The following NDOR1 variants were observed in gnomAD, a reference collection of about 807,000 sequenced individuals.
NDOR1 encodes the protein NADPH dependent diflavin oxidoreductase 1, also known as NADPH-dependent diflavin oxidoreductase 1.
Under a neutral mutation model 67.2 loss-of-function variants are expected in NDOR1, and 61 were observed. The ratio of observed to expected loss-of-function variants is 0.91; its 90% CI spans 0.74 to 1.12. The LOEUF (loss-of-function observed/expected upper bound fraction) is 1.12, where lower values mean the gene tolerates loss of function less well. NDOR1 is among the 50% of genes most tolerant of loss of function. The pLI, the probability that NDOR1 is intolerant of heterozygous loss-of-function variation, is 0.00. For missense variants in NDOR1, 878 were observed against 802.8 expected (o/e 1.09, Z -1.13); for synonymous variants, 378 against 343.7 (o/e 1.10, Z -1.10).
At position 137,205,900 on chromosome 9, in the gene NDOR1, C is replaced by A. The variant is rs1401364282; in HGVS notation, c.123C>A (p.Asp41Glu). 6.3e-7 allele frequency: 1 copy of A among 1,593,650 alleles called. No individual in the cohort carries two copies. The highest frequency in any genetic ancestry group is 8.5e-7 in the Non-Finnish European group (1 of 1,175,884). The change falls in exon 1 of 14, where the codon GAC (aspartate) becomes GAA (glutamate). Residue 41 changes from aspartate to glutamate, a missense_variant. Coordinates refer to ENST00000684003, the MANE Select transcript of NDOR1 (RefSeq NM_014434.4). ...TTGGCTGCCGGGTGCAGGCCCTGGA[C>A]TCCTACCCGGTGGTGAGGGCTCGCT... Reference protein sequence around the residue: ...RRLGCRVQALDSYPVVNLINE... With the variant: ...RRLGCRVQALESYPVVNLINE...
chr9:137,214,038 C>T lies in NDOR1; in HGVS notation c.482C>T (p.Pro161Leu), dbSNP rs536654925. ...DRVLGLYPPPPGLTEIPPGVP... is the reference protein window; with the variant it reads ...DRVLGLYPPPLGLTEIPPGVP... The stretch of plus-strand genomic sequence containing the variant: ...GTTCTGGGGCTGTACCCGCCGCCTC[C>T]GGGCCTCACTGAGATCCCTCCCGGA... Residue 161 changes from proline (P) to leucine (L), a missense_variant, in exon 5 of 14, where the codon CCG (proline) becomes CTG (leucine). By Grantham distance (98) the Pro-to-Leu change is moderately conservative. Transcript: ENST00000684003. 15 of 1,545,176 alleles carry T rather than the reference C, an allele frequency of 9.7e-6. 1 individual carries two copies. Among genetic ancestry groups the T allele is most frequent in the Admixed American group, 2.0e-5 (1 of 51,152 alleles).
In NDOR1 at chr9:137,215,444, T is replaced by G. The variant is rs1588814575; in HGVS notation, c.1211T>G (p.Val404Gly). 6.2e-7 allele frequency: 1 copy of G among 1,613,228 alleles called. No homozygotes were observed. The change falls in exon 10 of 14, where the codon GTG (valine) becomes GGG (glycine). Residue 404 changes from valine (V) to glycine (G), a missense_variant. By Grantham distance (109) the Val-to-Gly change is moderately radical (BLOSUM62 -3). Coordinates refer to ENST00000684003, the MANE Select transcript of NDOR1 (RefSeq NM_014434.4). ...CGGCTGCAGATCCTCGTGGCTGTAGTGCAGTTCCAGACTCGCCTCAAGGAG... is the reference window on the plus strand; with the variant it reads ...CGGCTGCAGATCCTCGTGGCTGTAGGGCAGTTCCAGACTCGCCTCAAGGAG... ...PSRLQILVAV[V>G]QFQTRLKEPR...
intron 10 of NDOR1, 54 bp from the exon 11 acceptor site, chr9:137,215,605 G>C: frequency 6.2e-7 from 1 of 1,602,622 alleles, no homozygotes; most frequent in Non-Finnish European, 8.5e-7. Flanking sequence ...TAGGGCCCCA[G>C]CAGACTCAGC....
At chr9:137,206,168 G>C in intron 1 of NDOR1, 64 bp from the exon 2 acceptor site, 2 of 1,600,754 alleles carry the variant, frequency 1.2e-6, no homozygotes, top group African/African-American at 1.3e-5. Flanking sequence ...AGGGGGTCAA[G>C]TTTTGGGAAG....
At position 137,212,570 on chromosome 9, in the gene NDOR1, C is replaced by T. The variant is rs761919858; in HGVS notation, c.282C>T (p.Val94=). 3 of 1,614,092 alleles carry T rather than the reference C, an allele frequency of 1.9e-6. No homozygotes were observed. The highest frequency in any genetic ancestry group is 4.5e-5 in the East Asian group (2 of 44,884). The change falls in exon 3 of 14, where the codon GTC becomes GTT. Residue 94 remains valine (V), a synonymous_variant. Coordinates refer to ENST00000684003, the MANE Select transcript of NDOR1 (RefSeq NM_014434.4). The surrounding 1 kb of genome is among the most constrained non-coding windows in gnomAD (Gnocchi z 4.3). The part of the protein sequence containing the change: ...STALCQMDFA[V]LGLGDSSYAK... ...CCCTCTGTCAGATGGACTTTGCCGT[C>T]CTGGGCCTCGGGGACTCCTCATACG...
chr9:137,209,217 C>T (rs1384120211), intron 2 of NDOR1, among the ~76,000 whole-genome samples: 1 of 152,066 alleles, frequency 6.6e-6, no homozygotes, highest in East Asian at 1.9e-4. Flanking sequence ...AGGGGAGAGA[C>T]AGGAGAAAGA....
At position 137,215,766 on chromosome 9, in the gene NDOR1, C is replaced by G; in HGVS notation, c.1396C>G (p.Arg466Gly). Residue 466 changes from arginine to glycine, a missense_variant, in exon 11 of 14, where the codon CGA becomes GGA. Coordinates refer to ENST00000684003, the MANE Select transcript of NDOR1 (RefSeq NM_014434.4). ...VGPGTGVAPF[R>G]AAIQERVAQG... The stretch of plus-strand genomic sequence containing the variant: ...GCCTGGCACTGGGGTAGCCCCCTTC[C>G]GAGCAGCCATCCAGGAGCGTGTGGC... 6.3e-7 allele frequency: 1 copy of G among 1,598,446 alleles called. No individual in the cohort carries two copies. The highest frequency in any genetic ancestry group is 1.7e-5 in the Admixed American group (1 of 58,802).
chr9:137,215,148 G>T lies in NDOR1; in HGVS notation c.1119G>T (p.Leu373Phe). 6.2e-7 allele frequency: 1 copy of T among 1,613,624 alleles called. No homozygotes were observed. ...CCGCCATCCCTCCCGACTACCTGTT[G>T]GACCTCATCCCCGTTATCCGGCCGA... ...TAAAIPPDYL[L>F]DLIPVIRPRA... The change falls in exon 9 of 14, where the codon TTG becomes TTT. Residue 373 changes from leucine (L) to phenylalanine (F), a missense_variant. Coordinates refer to ENST00000684003, the MANE Select transcript of NDOR1 (RefSeq NM_014434.4).
chr9:137,212,369 G>C lies in NDOR1; in HGVS notation c.214-133G>C. ...GGCTGGACCTGGGCCCTGCCTTTTG[G>C]TCAGATAGGTCCAGTTGTATTCTGC... On this transcript the variant is annotated intron_variant, in intron 2 of 13. Coordinates refer to ENST00000684003, the MANE Select transcript of NDOR1 (RefSeq NM_014434.4). The surrounding 1 kb of genome is among the most constrained non-coding windows in gnomAD (Gnocchi z 4.3). 1.3e-6 allele frequency: 1 copy of C among 746,982 alleles called. No homozygotes were observed. Among genetic ancestry groups the C allele is most frequent in the Non-Finnish European group, 2.3e-6 (1 of 438,852 alleles). The allele number at this position is 746,982 out of a possible 1,614,324, so 46.3% of individuals were successfully genotyped here. A position where few individuals can be genotyped will look rare whatever the true frequency, so the allele number is the denominator to read the frequency against.
chr9:137,215,380 C>T (rs762752079), intron 9 of NDOR1, 27 bp from the exon 10 acceptor site: 2 of 1,571,586 alleles, frequency 1.3e-6, no homozygotes, highest in Admixed American at 3.3e-5. Flanking sequence ...CCTTGTTCCA[C>T]CACCCCCACC....
chr9:137,212,627 A>G lies in NDOR1; in HGVS notation c.311+28A>G. ...GAGTAGGGGATGGGACAGTGGGCGG[A>G]CGGAACAGTTCTGGGGGTCGAGCAA... On this transcript the variant is annotated intron_variant, in intron 3 of 13. Transcript: ENST00000684003. This position sits in a 1 kb window ranked among gnomAD's most constrained non-coding sequence, Gnocchi z 4.3. The G allele has an allele frequency of 6.3e-7, 1 of 1,590,672 alleles. No individual in the cohort carries two copies. Among genetic ancestry groups the G allele is most frequent in the South Asian group, 1.1e-5 (1 of 90,608 alleles).
chr9:137,206,247 G>C lies in NDOR1; in HGVS notation c.151G>C (p.Glu51Gln), dbSNP rs750338916. Reference protein sequence around the residue: ...DSYPVVNLINEPLVIFVCATT... With the variant: ...DSYPVVNLINQPLVIFVCATT... ...TTTTGTTGAGGTGAATCTGATTAAC[G>C]AGCCCCTGGTGATATTTGTTTGTGC... Residue 51 changes from glutamate (E) to glutamine (Q), a missense_variant, in exon 2 of 14, where the codon GAG (glutamate) becomes CAG (glutamine). Physicochemically the swap from Glu to Gln is conservative, Grantham distance 29. Transcript: ENST00000684003. The C allele has an allele frequency of 7.4e-6, 12 of 1,613,836 alleles. No individual in the cohort carries two copies. The highest frequency in any genetic ancestry group is 9.3e-6 in the Non-Finnish European group (11 of 1,179,984).
rs375495144 is a variant in NDOR1 at position 137,214,521 on chromosome 9, A to G, written c.723-49A>G. ...GGGATGACTTCTATCCGGGGCCCCGACATCCTCCCTGCGGCGTCCCCACAG... is the reference window on the plus strand; with the variant it reads ...GGGATGACTTCTATCCGGGGCCCCGGCATCCTCCCTGCGGCGTCCCCACAG... On this transcript the variant is annotated intron_variant, in intron 6 of 13. Transcript: ENST00000684003. 5.0e-6 allele frequency: 8 copies of G among 1,609,110 alleles called. 1 individual carries two copies. The highest frequency in any genetic ancestry group is 6.8e-6 in the Non-Finnish European group (8 of 1,179,192).
rs1215667892 is a variant in NDOR1 at position 137,217,447 on chromosome 9, T to A, written c.*1031T>A. 1 of 152,382 alleles carries A rather than the reference T, an allele frequency of 6.6e-6. No individual in the cohort carries two copies. Among genetic ancestry groups the A allele is most frequent in the East Asian group, 1.9e-4 (1 of 5,182 alleles). 9.4% of individuals were successfully genotyped at this position (152,382 alleles called of 1,614,324 possible). On this transcript the variant is annotated 3_prime_UTR_variant, in exon 14 of 14. Coordinates refer to ENST00000684003, the MANE Select transcript of NDOR1 (RefSeq NM_014434.4). ...GCAGCCCCACCCCCGGGAGGGGCTT[T>A]AGGCACTGGGAAGGAAAGTCCTGTT...
chr9:137,214,090 C>T (rs1478883677), intron 5 of NDOR1, 22 bp downstream of exon 5: 7 of 1,532,824 alleles, frequency 4.6e-6, no homozygotes, highest in Non-Finnish European at 6.1e-6. Flanking sequence ...CCCCGGGTCA[C>T]CCACAGGCGC....
At position 137,212,842 on chromosome 9, in the gene NDOR1, C is replaced by G; in HGVS notation, c.311+243C>G. On this transcript the variant is annotated intron_variant, in intron 3 of 13. Transcript: ENST00000684003. This position sits in a 1 kb window ranked among gnomAD's most constrained non-coding sequence, Gnocchi z 4.3. ...GGGCTCCAGCCACGCTGACGTCACA[C>G]AGGCCTACCTGGCGCCGGTCCCCAC... 3.8e-6 allele frequency: 2 copies of G among 529,800 alleles called. No homozygotes were observed. The highest frequency in any genetic ancestry group is 2.3e-5 in the South Asian group (1 of 42,914). The allele number at this position is 529,800 out of a possible 1,614,324, so 32.8% of individuals were successfully genotyped here. A position where few individuals can be genotyped will look rare whatever the true frequency, so the allele number is the denominator to read the frequency against.
rs371642590 is a variant in NDOR1, at chr9:137,212,720, A to C, written c.311+121A>C. On this transcript the variant is annotated intron_variant, in intron 3 of 13. Coordinates refer to ENST00000684003, the MANE Select transcript of NDOR1 (RefSeq NM_014434.4). This position sits in a 1 kb window ranked among gnomAD's most constrained non-coding sequence, Gnocchi z 4.3. ...CCCCTGCGCGCCTCAGGGCCCTCGC[A>C]GTGGTACTGGCTTCTCCACAACGCT... is the stretch of plus-strand genomic sequence containing the variant. The C allele has an allele frequency of 1.4e-5, 12 of 871,980 alleles. No homozygotes were observed. The highest frequency in any genetic ancestry group is 2.2e-5 in the Non-Finnish European group (12 of 533,586). 54.0% of individuals were successfully genotyped at this position (871,980 alleles called of 1,614,324 possible).
At chr9:137,213,621 CT>C (rs1835366825) in intron 3 of NDOR1, among the ~76,000 whole-genome samples, 158 bp from the exon 4 acceptor site, 1 of 152,120 alleles carries the variant, frequency 6.6e-6, no homozygotes, top group Admixed American at 6.5e-5. Context: ...GCCCTGCCCC[CT>C]CCTAGGGTGC....
intron 1 of NDOR1, 70 bp from the exon 2 acceptor site, chr9:137,206,162 G>A (rs1192757601): frequency 7.6e-6 from 12 of 1,580,144 alleles, no homozygotes; most frequent in Non-Finnish European, 1.0e-5. Context: ...AGGAGAAGGG[G>A]GTCAAGTTTT....
Sources: allele counts gnomAD v4.1 joint callset (sites outside exome capture counted in the v4.1 genomes callset), GRCh38; gene constraint gnomAD v4.1.1; non-coding constraint Gnocchi (gnomAD v3.1); transcripts MANE v1.5; gene names NCBI Gene and HGNC (gene_info 2026-07-23, HGNC 2026-07-21).